PAK1: variants seen among roughly 807,000 people sequenced by gnomAD.
The protein encoded by PAK1 is p21 (RAC1) activated kinase 1, also known as serine/threonine-protein kinase PAK 1.
A neutral mutation model predicts 67.4 loss-of-function variants in PAK1; 29 were observed. That is an observed-to-expected ratio of 0.43 (90% CI 0.32 to 0.59). The LOEUF (loss-of-function observed/expected upper bound fraction) is 0.59, where lower values mean the gene tolerates loss of function less well. Ranked by LOEUF, PAK1 falls within the 20% of genes least tolerant of loss-of-function variation. The probability of loss-of-function intolerance (pLI) is 0.07; values close to 1 mark genes in which losing one functional copy is unlikely to be tolerated. For missense variants in PAK1, 337 were observed against 670.7 expected (o/e 0.50, Z 5.50); for synonymous variants, 223 against 237.4 (o/e 0.94, Z 0.56).
In PAK1 at chr11:77,333,046, G is replaced by C. The variant is rs141860540; in HGVS notation, c.1414-179C>G. Among the ~76,000 whole-genome samples, 895 of 152,178 alleles carry C rather than the reference G, an allele frequency of 5.9e-3. 9 individuals carry two copies. Among genetic ancestry groups the C allele is most frequent in the African/African-American group, 0.021 (862 of 41,518 alleles). Reference sequence around the variant, plus strand: ...CAGGTTGAACATTTAAAGGCCATGGGACTATGTACAACTTCCCTGTCTGTA... The same window carrying C: ...CAGGTTGAACATTTAAAGGCCATGGCACTATGTACAACTTCCCTGTCTGTA... On this transcript the variant is annotated intron_variant, in intron 13 of 14. Transcript: ENST00000356341.
At chr11:77,409,101 A>C (rs1312094213) in intron 1 of PAK1, among the ~76,000 whole-genome samples, 1 of 140,696 alleles carries the variant, frequency 7.1e-6, no homozygotes, top group Non-Finnish European at 1.6e-5. Context: ...CACACTTCTA[A>C]AAAAAAAAAA....
At chr11:77,525,544 G>T in the PAK1 span, among the ~76,000 whole-genome samples, 1 of 152,170 alleles carries the variant, frequency 6.6e-6, no homozygotes, top group Admixed American at 6.5e-5. Context: ...TGCAAGGAAA[G>T]CCTTACATCA....
chr11:77,524,035 T>C, the PAK1 span, among the ~76,000 whole-genome samples: 1 of 152,320 alleles, frequency 6.6e-6, no homozygotes, highest in East Asian at 1.9e-4. Flanking sequence ...TGCAATGTAC[T>C]GGTAATAAAA....
At chr11:77,517,833 C>A in the PAK1 span, among the ~76,000 whole-genome samples, 2 of 152,214 alleles carry the variant, frequency 1.3e-5, no homozygotes, top group African/African-American at 4.8e-5. Flanking sequence ...GCATCAGATT[C>A]TCATAAGGAG....
At chr11:77,510,617 TCA>T in the PAK1 span, among the ~76,000 whole-genome samples, 1 of 152,240 alleles carries the variant, frequency 6.6e-6, no homozygotes, top group African/African-American at 2.4e-5. Flanking sequence ...GGAAAGATAT[TCA>T]GTTTTGTCTC....
At chr11:77,414,856 G>A (rs184415879) in intron 1 of PAK1, among the ~76,000 whole-genome samples, 73 of 152,240 alleles carry the variant, frequency 4.8e-4, no homozygotes, top group African/African-American at 1.7e-3. Context: ...TTTAGATACA[G>A]CCCCAAAAGC....
chr11:77,346,154 A>G (rs1163392919), intron 9 of PAK1, among the ~76,000 whole-genome samples: 2 of 151,910 alleles, frequency 1.3e-5, no homozygotes, highest in Non-Finnish European at 2.9e-5. Context: ...TGGTATTTTT[A>G]GTAGAAACAG....
At chr11:77,327,772 T>G (rs908119186) in intron 14 of PAK1, among the ~76,000 whole-genome samples, 8 of 152,090 alleles carry the variant, frequency 5.3e-5, no homozygotes, top group African/African-American at 1.9e-4. Context: ...AGGATCAAAT[T>G]CACACATAAC....
At chr11:77,378,795 C>T (rs1565637575) in intron 4 of PAK1, among the ~76,000 whole-genome samples, 2 of 152,148 alleles carry the variant, frequency 1.3e-5, no homozygotes, top group Admixed American at 1.3e-4. Context: ...GCCACGTTGC[C>T]CAGACTGGTC....
At chr11:77,326,903 G>C (rs911899335) in intron 14 of PAK1, among the ~76,000 whole-genome samples, 2 of 152,000 alleles carry the variant, frequency 1.3e-5, no homozygotes, top group African/African-American at 4.8e-5. Context: ...TAAGATGAAT[G>C]GATAACAAGA....
the PAK1 span, among the ~76,000 whole-genome samples, chr11:77,515,193 T>C: frequency 3.3e-5 from 5 of 152,252 alleles, no homozygotes; most frequent in Admixed American, 3.3e-4. Context: ...TTACACCATG[T>C]GTGCCTGGCA....
At chr11:77,492,519 T>C in the PAK1 span, among the ~76,000 whole-genome samples, 9 of 150,082 alleles carry the variant, frequency 6.0e-5, no homozygotes, top group Non-Finnish European at 8.9e-5. Flanking sequence ...GATTAAAAGA[T>C]GGCATTTGAG....
chr11:77,481,166 T>C, the PAK1 span, among the ~76,000 whole-genome samples: 1 of 152,196 alleles, frequency 6.6e-6, no homozygotes, highest in African/African-American at 2.4e-5. Flanking sequence ...CCAGTGTCTA[T>C]TCTATTTCTA....
chr11:77,365,663 T>C (rs1947457248), intron 5 of PAK1, among the ~76,000 whole-genome samples: 1 of 151,786 alleles, frequency 6.6e-6, no homozygotes, highest in Non-Finnish European at 1.5e-5. Flanking sequence ...TGAAACCCCA[T>C]CTCTACTAAA....
chr11:77,373,886 T>C (rs1202534658), intron 5 of PAK1, among the ~76,000 whole-genome samples: 3 of 152,212 alleles, frequency 2.0e-5, no homozygotes, highest in Non-Finnish European at 4.4e-5. Flanking sequence ...AGAGGAAATT[T>C]TCTTCTAAGT....
intron 11 of PAK1, 147 bp from the exon 12 acceptor site, chr11:77,337,570 C>T (rs1330679151): frequency 8.8e-6 from 4 of 456,336 alleles, no homozygotes; most frequent in Middle Eastern, 5.7e-4. Flanking sequence ...CCAAATCAAT[C>T]GCAGAGCCAG....
At chr11:77,363,892 G>T (rs1349007366) in intron 5 of PAK1, among the ~76,000 whole-genome samples, 1 of 152,234 alleles carries the variant, frequency 6.6e-6, no homozygotes, top group Non-Finnish European at 1.5e-5. Flanking sequence ...TCTGGGCAAG[G>T]GATGTTCCCA....
At chr11:77,381,022 C>G (rs1949738587) in intron 2 of PAK1, among the ~76,000 whole-genome samples, 1 of 152,066 alleles carries the variant, frequency 6.6e-6, no homozygotes, top group Admixed American at 6.6e-5. Context: ...AAAAGAAATT[C>G]TGAAGTTCTA....
At chr11:77,445,661 T>C (rs1433521144) in intron 1 of PAK1, among the ~76,000 whole-genome samples, 1 of 152,268 alleles carries the variant, frequency 6.6e-6, no homozygotes, top group Non-Finnish European at 1.5e-5. Flanking sequence ...TCCCTAATTC[T>C]GTTTCACACC....
Sources: gnomAD v4.1 joint callset for allele counts (sites outside exome capture counted in the v4.1 genomes callset) on GRCh38, gnomAD v4.1.1 for gene constraint, MANE v1.5 for transcripts, NCBI Gene and HGNC (gene_info 2026-07-23, HGNC 2026-07-21) for gene names.